ENTPD1: variants seen among roughly 807,000 people sequenced by gnomAD.
The protein encoded by ENTPD1 is ATP diphosphohydrolase.
ENTPD1 carries 33 observed loss-of-function variants against 57.0 expected under a neutral mutation model. The observed-to-expected ratio is 0.58, with a 90% CI of 0.44 to 0.77. The LOEUF is 0.77. ENTPD1 is among the 30% of genes least tolerant of loss of function. The pLI is 0.00. For synonymous variants in ENTPD1, 202 were observed against 218.8 expected (o/e 0.92, Z 0.68); for missense variants, 501 against 603.4 (o/e 0.83, Z 1.78).
At chr10:95,788,625 G>GA (rs1185016094) in intron 1 of ENTPD1, among the ~76,000 whole-genome samples, 1 of 135,240 alleles carries the variant, frequency 7.4e-6, no homozygotes, top group Non-Finnish European at 1.5e-5. Context: ...CAAAAAAAAA[G>GA]AAAAAAAAGA....
intron 1 of ENTPD1, among the ~76,000 whole-genome samples, chr10:95,726,635 A>G (rs1403066520): frequency 6.6e-6 from 1 of 152,232 alleles, no homozygotes. Context: ...TGAGAAAGCT[A>G]CTGTAAGTCA....
In ENTPD1 at chr10:95,859,787, T is replaced by C. The variant is rs895052370; in HGVS notation, c.1075-682T>C. 6.6e-5 allele frequency among the ~76,000 whole-genome samples: 10 copies of C among 152,232 alleles called. No homozygotes were observed. The South Asian group carries it at 1.7e-3, about 25-fold the overall frequency. On this transcript the variant is annotated intron_variant, in intron 7 of 9. Transcript: ENST00000371205. ...GAATGAGAAAGATGCTAGAAGCCTA[T>C]ATACTATATTGAATAGCAGTTGTCA... is the stretch of plus-strand genomic sequence containing the variant.
chr10:95,753,896 TGA>T (rs1435468028), upstream of ENTPD1: 1 of 152,278 alleles, frequency 6.6e-6, no homozygotes, highest in African/African-American at 2.4e-5. Flanking sequence ...CGCGGGAGGC[TGA>T]GGCACAAGAA....
At chr10:95,769,344 A>G (rs2098105425) in intron 1 of ENTPD1, among the ~76,000 whole-genome samples, 1 of 152,196 alleles carries the variant, frequency 6.6e-6, no homozygotes, top group South Asian at 2.1e-4. Flanking sequence ...GACTTGTGGT[A>G]GCATATGGCT....
chr10:95,787,305 A>G (rs1158886271), intron 1 of ENTPD1, among the ~76,000 whole-genome samples: 2 of 152,232 alleles, frequency 1.3e-5, no homozygotes, highest in African/African-American at 2.4e-5. Flanking sequence ...ATCTGTTAAA[A>G]TAGACATGCT....
chr10:95,842,431 C>G lies in ENTPD1; in HGVS notation c.350C>G (p.Pro117Arg). The change falls in exon 4 of 10, where the codon CCA becomes CGA. Residue 117 changes from proline (P) to arginine (R), a missense_variant. By Grantham distance (103) the Pro-to-Arg change is moderately radical. Coordinates refer to ENST00000371205, the MANE Select transcript of ENTPD1 (RefSeq NM_001776.6). ...ATGGAAAGAGCTAGGGAAGTGATTC[C>G]AAGGTCCCAGCACCAAGAGACACCC... Reference protein sequence around the residue: ...DCMERAREVIPRSQHQETPVY... With the variant: ...DCMERAREVIRRSQHQETPVY... The G allele has an allele frequency of 6.2e-7, 1 of 1,613,960 alleles. No homozygotes were observed. The highest frequency in any genetic ancestry group is 8.5e-7 in the Non-Finnish European group (1 of 1,180,010).
At chr10:95,694,776 G>A in the ENTPD1 span, among the ~76,000 whole-genome samples, 12 of 152,068 alleles carry the variant, frequency 7.9e-5, no homozygotes, top group Non-Finnish European at 1.6e-4. Flanking sequence ...AGCAGCGCGG[G>A]CCATGGGACT....
chr10:95,760,956 A>G (rs1589707771), intron 1 of ENTPD1, among the ~76,000 whole-genome samples: 1 of 149,758 alleles, frequency 6.7e-6, no homozygotes, highest in East Asian at 2.0e-4. Flanking sequence ...CAGCCTCCCG[A>G]GTAGCTGGGA....
At chr10:95,777,490 C>T (rs982326067) in intron 1 of ENTPD1, among the ~76,000 whole-genome samples, 1 of 152,208 alleles carries the variant, frequency 6.6e-6, no homozygotes, top group Non-Finnish European at 1.5e-5. Flanking sequence ...TATTGCAGAA[C>T]AGCAAATATT....
intron 1 of ENTPD1, among the ~76,000 whole-genome samples, chr10:95,718,228 CT>C (rs2139820134): frequency 6.6e-6 from 1 of 152,162 alleles, no homozygotes; most frequent in South Asian, 2.1e-4. Flanking sequence ...AGTATTTTTC[CT>C]TCTTCGGTGG....
intron 1 of ENTPD1, among the ~76,000 whole-genome samples, chr10:95,776,359 G>A (rs1050776506): frequency 1.3e-5 from 2 of 152,106 alleles, no homozygotes; most frequent in African/African-American, 4.8e-5. Flanking sequence ...CTCAGCATTT[G>A]CTTGTCTGTA....
chr10:95,714,843 G>A (rs2097969760), intron 1 of ENTPD1, among the ~76,000 whole-genome samples: 1 of 152,010 alleles, frequency 6.6e-6, no homozygotes, highest in African/African-American at 2.4e-5. Flanking sequence ...TTAAGAATAA[G>A]ATTAGCCCAC....
intron 1 of ENTPD1, among the ~76,000 whole-genome samples, chr10:95,819,154 A>G (rs2098339923): frequency 6.6e-6 from 1 of 152,112 alleles, no homozygotes; most frequent in Admixed American, 6.6e-5. Flanking sequence ...ACTATGGACA[A>G]AATTAAATAA....
intron 1 of ENTPD1, among the ~76,000 whole-genome samples, chr10:95,769,355 G>A (rs1000163833): frequency 1.3e-5 from 2 of 152,324 alleles, no homozygotes; most frequent in South Asian, 2.1e-4. Context: ...GCATATGGCT[G>A]CTAGTGTGGC....
chr10:95,749,891 G>C (rs1172841088), intron 1 of ENTPD1, among the ~76,000 whole-genome samples: 1 of 152,142 alleles, frequency 6.6e-6, no homozygotes, highest in Non-Finnish European at 1.5e-5. Context: ...TAGTTTCTGG[G>C]TTGAAAATAG....
intron 2 of ENTPD1, chr10:95,833,538 A>C (rs1230902018): frequency 6.6e-6 from 1 of 151,998 alleles, no homozygotes; most frequent in Non-Finnish European, 1.5e-5. Context: ...TTAAAGCTAC[A>C]GGAACTTTTA....
upstream of ENTPD1, among the ~76,000 whole-genome samples, chr10:95,709,996 A>T (rs547336843): frequency 2.8e-4 from 42 of 151,672 alleles, 1 homozygote; most frequent in Non-Finnish European, 5.4e-4. Context: ...CTGGTCTCGA[A>T]CTCCTGACCT....
chr10:95,747,910 C>T (rs1277617116), intron 1 of ENTPD1, among the ~76,000 whole-genome samples: 4 of 149,658 alleles, frequency 2.7e-5, no homozygotes, highest in Admixed American at 1.3e-4. Context: ...CTCGCTCTGT[C>T]GCCCAGGCTG....
chr10:95,772,020 G>A (rs2140103891), intron 1 of ENTPD1, among the ~76,000 whole-genome samples: 1 of 152,282 alleles, frequency 6.6e-6, no homozygotes, highest in East Asian at 1.9e-4. Flanking sequence ...TAAAAGTTAT[G>A]TTTACACTAT....
Sources: gnomAD v4.1 joint callset for allele counts (sites outside exome capture counted in the v4.1 genomes callset) on GRCh38, gnomAD v4.1.1 for gene constraint, MANE v1.5 for transcripts, NCBI Gene and HGNC (gene_info 2026-07-23, HGNC 2026-07-21) for gene names.